The following GALNT13 variants were observed in gnomAD, a reference collection of about 807,000 sequenced individuals.
The protein encoded by GALNT13 is UDP-GalNAc:polypeptide N-acetylgalactosaminyltransferase 13.
GALNT13 carries 28 observed loss-of-function variants against 64.2 expected under a neutral mutation model. That is an observed-to-expected ratio of 0.44 (90% CI 0.32 to 0.60). The LOEUF (loss-of-function observed/expected upper bound fraction) is 0.60. Ranked by LOEUF, GALNT13 falls within the 20% of genes least tolerant of loss-of-function variation. GALNT13 has a pLI of 0.05. For synonymous variants in GALNT13, 214 were observed against 224.6 expected (o/e 0.95, Z 0.42); for missense variants, 577 against 669.8 (o/e 0.86, Z 1.53).
the GALNT13 span, among the ~76,000 whole-genome samples, chr2:153,644,936 A>G: frequency 1.3e-5 from 2 of 152,116 alleles, no homozygotes; most frequent in East Asian, 1.9e-4. Flanking sequence ...GATATCCTAC[A>G]TATGCCTTCT....
At chr2:154,429,634 T>C (rs1475385098) in intron 11 of GALNT13, among the ~76,000 whole-genome samples, 1 of 152,182 alleles carries the variant, frequency 6.6e-6, no homozygotes, top group Non-Finnish European at 1.5e-5. Flanking sequence ...GCTAAGATCA[T>C]TGATAAATGT....
the GALNT13 span, among the ~76,000 whole-genome samples, chr2:153,082,618 T>TACACAC: frequency 1.3e-4 from 4 of 30,204 alleles, no homozygotes; most frequent in East Asian, 1.2e-3. Flanking sequence ...TATATATATA[T>TACACAC]ACACACACAC....
At chr2:153,484,953 T>A in the GALNT13 span, among the ~76,000 whole-genome samples, 3 of 152,220 alleles carry the variant, frequency 2.0e-5, no homozygotes, top group Admixed American at 6.5e-5. Flanking sequence ...GGGATTCCTA[T>A]AAACTTGTGT....
intron 2 of GALNT13, among the ~76,000 whole-genome samples, chr2:153,936,621 A>G (rs917977365): frequency 2.0e-5 from 3 of 152,186 alleles, no homozygotes; most frequent in South Asian, 2.1e-4. Flanking sequence ...GCGATGAACC[A>G]TACTTGTGTT....
At chr2:153,276,462 G>A in the GALNT13 span, among the ~76,000 whole-genome samples, 1 of 151,912 alleles carries the variant, frequency 6.6e-6, no homozygotes, top group East Asian at 1.9e-4. Flanking sequence ...CTAATTATAT[G>A]TTTTCTAGAT....
chr2:153,283,751 G>A, the GALNT13 span, among the ~76,000 whole-genome samples: 1 of 152,290 alleles, frequency 6.6e-6, no homozygotes, highest in African/African-American at 2.4e-5. Context: ...GAAGGGTAAG[G>A]CCATTCTGGC....
At chr2:153,848,378 C>T in the GALNT13 span, among the ~76,000 whole-genome samples, 2 of 152,138 alleles carry the variant, frequency 1.3e-5, no homozygotes, top group African/African-American at 4.8e-5. Flanking sequence ...CAAAGGTGTT[C>T]ACTTGGTAGT....
chr2:153,850,165 C>T, the GALNT13 span, among the ~76,000 whole-genome samples: 6 of 139,198 alleles, frequency 4.3e-5, no homozygotes, highest in South Asian at 2.4e-4. Flanking sequence ...GGAGACAGAG[C>T]GAGACTCCGT....
chr2:154,168,232 A>G (rs1685144784), intron 4 of GALNT13, among the ~76,000 whole-genome samples: 1 of 152,144 alleles, frequency 6.6e-6, no homozygotes, highest in Non-Finnish European at 1.5e-5. Flanking sequence ...CAACTGCAGA[A>G]TCTGCAGAGT....
the GALNT13 span, among the ~76,000 whole-genome samples, chr2:153,512,794 C>T: frequency 1.3e-5 from 2 of 152,128 alleles, no homozygotes; most frequent in Non-Finnish European, 2.9e-5. Flanking sequence ...TATTATTACT[C>T]ATTTTTAATT....
At chr2:154,146,938 G>C (rs1376079753) in intron 4 of GALNT13, among the ~76,000 whole-genome samples, 1 of 151,944 alleles carries the variant, frequency 6.6e-6, no homozygotes, top group East Asian at 1.9e-4. Context: ...TTTCTATGAA[G>C]GTCTCCGTTC....
the GALNT13 span, among the ~76,000 whole-genome samples, chr2:153,206,664 A>G: frequency 3.9e-5 from 6 of 152,174 alleles, no homozygotes; most frequent in East Asian, 1.2e-3. Context: ...AGGAAAATTT[A>G]TGTCTGAAGG....
chr2:153,896,782 A>G (rs1687923194), intron 1 of GALNT13, among the ~76,000 whole-genome samples: 1 of 152,102 alleles, frequency 6.6e-6, no homozygotes, highest in Non-Finnish European at 1.5e-5. Context: ...TTCTCTTCTT[A>G]AAAATACTTT....
the GALNT13 span, among the ~76,000 whole-genome samples, chr2:153,527,137 A>G: frequency 2.6e-5 from 4 of 152,122 alleles, no homozygotes; most frequent in Non-Finnish European, 5.9e-5. Flanking sequence ...CAAAGGGATA[A>G]CAACAGATGC....
the GALNT13 span, among the ~76,000 whole-genome samples, chr2:153,187,945 G>A: frequency 1.5e-4 from 23 of 152,074 alleles, no homozygotes; most frequent in Non-Finnish European, 2.9e-4. Flanking sequence ...ATTAATTAAT[G>A]TAATTTACCA....
At chr2:153,958,555 G>T (rs191075632) in intron 3 of GALNT13, among the ~76,000 whole-genome samples, 1 of 152,178 alleles carries the variant, frequency 6.6e-6, no homozygotes, top group East Asian at 1.9e-4. Context: ...TGCTCCATTG[G>T]CCTAAAACAT....
intron 10 of GALNT13, among the ~76,000 whole-genome samples, chr2:154,404,025 TA>T (rs1368749881): frequency 6.6e-6 from 1 of 152,200 alleles, no homozygotes; most frequent in Non-Finnish European, 1.5e-5. Flanking sequence ...TTGGAGGTGG[TA>T]GTGGTTGTCT....
chr2:153,491,683 T>A, the GALNT13 span, among the ~76,000 whole-genome samples: 11 of 151,952 alleles, frequency 7.2e-5, no homozygotes, highest in African/African-American at 2.7e-4. Context: ...TGCAGTGGCG[T>A]GATCTTGGCT....
chr2:153,802,794 A>G, the GALNT13 span, among the ~76,000 whole-genome samples: 17 of 152,374 alleles, frequency 1.1e-4, 1 homozygote, highest in East Asian at 2.1e-3. Context: ...TACAGAAACC[A>G]AAAGCTCAAA....
Sources: gnomAD v4.1 joint callset for allele counts (sites outside exome capture counted in the v4.1 genomes callset) on GRCh38, gnomAD v4.1.1 for gene constraint, MANE v1.5 for transcripts, NCBI Gene and HGNC (gene_info 2026-07-23, HGNC 2026-07-21) for gene names.